TMEM35B: variants seen among roughly 807,000 people sequenced by gnomAD.
TMEM35B encodes the protein transmembrane protein 35B.
TMEM35B carries 6 observed loss-of-function variants against 8.7 expected under a neutral mutation model. The ratio of observed to expected loss-of-function variants is 0.69; its 90% CI spans 0.38 to 1.36. The LOEUF is 1.36. TMEM35B is among the 40% of genes most tolerant of loss of function. The pLI, the probability that TMEM35B is intolerant of heterozygous loss-of-function variation, is 0.02. For synonymous variants in TMEM35B, 89 were observed against 87.0 expected, an observed-to-expected ratio of 1.02 and a Z score of -0.13; for missense variants, 176 against 181.6, an observed-to-expected ratio of 0.97 and a Z score of 0.18.
At chr1:34,981,400 AC>A (rs1213398236), downstream of TMEM35B, 2 of 152,204 alleles carry the variant, frequency 1.3e-5, no homozygotes, top group Admixed American at 6.5e-5. Flanking sequence ...AAAGTGATTT[AC>A]TGTGAGGCTT....
chr1:34,985,027 G>T (rs565601888), intron 1 of TMEM35B, among the ~76,000 whole-genome samples, 171 bp downstream of exon 1: 1 of 152,226 alleles, frequency 6.6e-6, no homozygotes, highest in Admixed American at 6.5e-5. Context: ...GAGAACTCGA[G>T]GAACTCCCCA....
At chr1:34,982,265 T>A in intron 2 of TMEM35B, 146 bp from the exon 3 acceptor site, 1 of 608,138 alleles carries the variant, frequency 1.6e-6, no homozygotes, top group East Asian at 3.1e-5. Context: ...TTCCCAAAAC[T>A]AGCGGCATTC....
At chr1:34,981,753 G>A in exon 3 of TMEM35B, 1 of 396,146 alleles carries the variant, frequency 2.5e-6, no homozygotes, top group Non-Finnish European at 4.2e-6. Context: ...CATGAGGAAT[G>A]TTAATATGCA....
At chr1:34,983,635 CTG>C in intron 2 of TMEM35B, 130 bp downstream of exon 2, 1 of 405,528 alleles carries the variant, frequency 2.5e-6, no homozygotes, top group Non-Finnish European at 4.1e-6. Context: ...ACCATGGAAA[CTG>C]TGGTAGAGCA....
exon 2 of TMEM35B, chr1:34,983,789 C>T (rs772063692): frequency 6.5e-7 from 1 of 1,535,176 alleles, no homozygotes. Flanking sequence ...GAATCAAGAA[C>T]AAGTTACTGA....
chr1:34,984,021 T>C, intron 1 of TMEM35B, 74 bp from the exon 2 acceptor site: 1 of 1,306,492 alleles, frequency 7.7e-7, no homozygotes, highest in Non-Finnish European at 1.0e-6. Flanking sequence ...CCATGGCATA[T>C]CTATGCCTGT....
exon 3 of TMEM35B, chr1:34,981,797 TA>T: frequency 1.5e-6 from 1 of 671,162 alleles, no homozygotes; most frequent in Non-Finnish European, 2.2e-6. Flanking sequence ...GTAGTAAAGC[TA>T]AAAAGAGAAA....
In TMEM35B at chr1:34,983,846, C is replaced by T. The variant is rs114821631; in HGVS notation, c.210G>A (p.Leu70=). The change falls in exon 2 of 3, where the codon CTG becomes CTA. Residue 70 remains leucine, a synonymous_variant. Coordinates refer to ENST00000373337, the Ensembl canonical transcript of TMEM35B. ...CCATGACCAGCAGCAACCCAGCCAG[C>T]AGTTCCAGAAAGCCCACAGCTATTT... 4,753 of 1,546,288 alleles carry T rather than the reference C, an allele frequency of 3.1e-3. 116 individuals carry two copies. The African/African-American group carries it at 0.054, about 18-fold the overall frequency.
At chr1:34,983,947 T>A in exon 2 of TMEM35B, 1 of 1,484,842 alleles carries the variant, frequency 6.7e-7, no homozygotes, top group Non-Finnish European at 9.0e-7. Flanking sequence ...AACAGGGCAT[T>A]CTAGGGGTGG....
intron 1 of TMEM35B, 27 bp downstream of exon 1, chr1:34,985,170 TC>T: frequency 6.6e-7 from 1 of 1,509,288 alleles, no homozygotes; most frequent in Non-Finnish European, 8.9e-7. Context: ...GCGGGCCCGA[TC>T]CCCTGCCGCC....
At chr1:34,982,053 A>G in exon 3 of TMEM35B, 2 of 1,549,820 alleles carry the variant, frequency 1.3e-6, no homozygotes, top group Non-Finnish European at 1.7e-6. Context: ...CAGGAACCCC[A>G]GGCAGACAAT....
At chr1:34,981,938 GA>G in exon 3 of TMEM35B, 1 of 1,529,332 alleles carries the variant, frequency 6.5e-7, no homozygotes, top group Non-Finnish European at 8.8e-7. Flanking sequence ...AAGAGACAGA[GA>G]TGCTCTACTT....
At chr1:34,985,314 T>TC in exon 1 of TMEM35B, 4 of 1,517,670 alleles carry the variant, frequency 2.6e-6, no homozygotes, top group East Asian at 5.2e-5. Flanking sequence ...ATGGCCGCGC[T>TC]CCCCCCACCG....
chr1:34,981,470 T>C (rs1569723077), downstream of TMEM35B: 1 of 152,306 alleles, frequency 6.6e-6, no homozygotes, highest in African/African-American at 2.4e-5. Context: ...AAATACATTA[T>C]AGTACATCCT....
intron 2 of TMEM35B, among the ~76,000 whole-genome samples, chr1:34,982,599 C>T (rs1640519372): frequency 6.6e-6 from 1 of 151,918 alleles, no homozygotes; most frequent in African/African-American, 2.4e-5. Context: ...GCCTCAGCCT[C>T]CTGAGTAGCT....
Position 34,983,841 on chromosome 1 carries a change from G to GCAGGAAC in TMEM35B, c.214_215insGTTCCTG (p.Ala72GlyfsTer19). ...TGGGCCCATGACCAGCAGCAACCCA[G>GCAGGAAC]CCAGCAGTTCCAGAAAGCCCACAGC... On this transcript the variant is annotated frameshift_variant, in exon 2 of 3. Coordinates refer to ENST00000373337, the Ensembl canonical transcript of TMEM35B. LOFTEE classifies it high-confidence loss of function. 1.3e-6 allele frequency: 2 copies of GCAGGAAC among 1,546,776 alleles called. No individual in the cohort carries two copies. Among genetic ancestry groups the GCAGGAAC allele is most frequent in the Non-Finnish European group, 1.7e-6 (2 of 1,144,742 alleles).
At chr1:34,982,117 C>T (rs193290258) in exon 3 of TMEM35B, 1 of 1,542,008 alleles carries the variant, frequency 6.5e-7, no homozygotes, top group Non-Finnish European at 8.7e-7. Flanking sequence ...GTGAAGATAG[C>T]CCCTGGAATG....
chr1:34,985,208 G>C, exon 1 of TMEM35B: 2 of 1,537,106 alleles, frequency 1.3e-6, no homozygotes, highest in Non-Finnish European at 1.8e-6. Flanking sequence ...CATCCGCTCC[G>C]AAACTGGAGC....
chr1:34,981,999 A>C (rs1343217629), exon 3 of TMEM35B: 2 of 1,550,434 alleles, frequency 1.3e-6, no homozygotes, highest in East Asian at 2.4e-5. Flanking sequence ...GGGTCTGACC[A>C]CCTTCTTAGT....
Sources: allele counts gnomAD v4.1 joint callset (sites outside exome capture counted in the v4.1 genomes callset), GRCh38; gene constraint gnomAD v4.1.1; transcripts MANE v1.5; gene names NCBI Gene and HGNC (gene_info 2026-07-23, HGNC 2026-07-21).